CNTNAP2: variants seen among roughly 807,000 people sequenced by gnomAD.
CNTNAP2 encodes the protein contactin-associated protein-like 2.
In CNTNAP2, 98 loss-of-function variants were observed where a neutral mutation model predicts 155.2. That is an observed-to-expected ratio of 0.63 (90% confidence interval 0.54 to 0.75). The LOEUF (loss-of-function observed/expected upper bound fraction) is 0.75. Among genes scored for constraint, CNTNAP2 ranks in the 30% least tolerant of loss-of-function variants. CNTNAP2 has a pLI of 0.00. For missense variants in CNTNAP2, 1,727 were observed against 1,688.1 expected, an observed-to-expected ratio of 1.02 and a Z score of -0.40; for synonymous variants, 651 against 631.2, an observed-to-expected ratio of 1.03 and a Z score of -0.47.
At chr7:147,615,084 T>G (rs1287508981) in intron 12 of CNTNAP2, among the ~76,000 whole-genome samples, 1 of 128,058 alleles carries the variant, frequency 7.8e-6, no homozygotes, top group Non-Finnish European at 1.6e-5. Flanking sequence ...GAGACACCCA[T>G]CTTTATCAAA....
chr7:147,099,848 A>C (rs1038775278), intron 4 of CNTNAP2, among the ~76,000 whole-genome samples: 1 of 152,186 alleles, frequency 6.6e-6, no homozygotes, highest in African/African-American at 2.4e-5. Context: ...TTGTGTGGTC[A>C]AAAGTTGTAG....
intron 12 of CNTNAP2, among the ~76,000 whole-genome samples, chr7:147,597,576 T>TA (rs1402492659): frequency 6.6e-6 from 1 of 152,174 alleles, no homozygotes; most frequent in African/African-American, 2.4e-5. Context: ...CAAGCCCCAT[T>TA]ACCTGGGCCC....
intron 1 of CNTNAP2, among the ~76,000 whole-genome samples, chr7:146,464,542 G>A: frequency 6.6e-6 from 1 of 151,606 alleles, no homozygotes; most frequent in South Asian, 2.1e-4. Context: ...GATACTTTTT[G>A]AAGTAGTAAG....
chr7:148,045,326 T>G (rs2707560), intron 15 of CNTNAP2, among the ~76,000 whole-genome samples: 7 of 150,470 alleles, frequency 4.7e-5, no homozygotes, highest in African/African-American at 9.7e-5. Flanking sequence ...CTAATGGGGG[T>G]GGGTGGTGGG....
chr7:146,826,865 G>GAGAGAGAGAGAGAGAGAGAGAC (rs1563248337), intron 2 of CNTNAP2, among the ~76,000 whole-genome samples: 1 of 150,812 alleles, frequency 6.6e-6, no homozygotes, highest in African/African-American at 2.4e-5. Context: ...TATAGAGAGA[G>GAGAGAGAGAGAGAGAGAGAGAC]AGAGAGAGAG....
chr7:148,214,849 G>A (rs1010786151), intron 18 of CNTNAP2, among the ~76,000 whole-genome samples: 5 of 152,168 alleles, frequency 3.3e-5, no homozygotes, highest in Admixed American at 1.3e-4. Context: ...GATTACAGGC[G>A]AGAGCCACCG....
chr7:146,163,539 ATATC>A (rs1357082704), intron 1 of CNTNAP2, among the ~76,000 whole-genome samples: 44 of 144,894 alleles, frequency 3.0e-4, no homozygotes, highest in Non-Finnish European at 5.1e-4. Context: ...ATATATATCT[ATATC>A]TATATATCTA....
At chr7:146,378,883 A>G (rs920902769) in intron 1 of CNTNAP2, among the ~76,000 whole-genome samples, 7 of 152,258 alleles carry the variant, frequency 4.6e-5, no homozygotes, top group African/African-American at 7.2e-5. Flanking sequence ...TCCCAAAGCT[A>G]TCATTTTAGA....
chr7:148,127,922 T>A (rs1183286175), intron 16 of CNTNAP2, among the ~76,000 whole-genome samples: 1 of 152,154 alleles, frequency 6.6e-6, no homozygotes, highest in Non-Finnish European at 1.5e-5. Context: ...CAGCCTGGAG[T>A]GCAGTGGTGC....
chr7:146,354,896 A>G (rs969745397), intron 1 of CNTNAP2, among the ~76,000 whole-genome samples: 12 of 152,200 alleles, frequency 7.9e-5, no homozygotes, highest in Non-Finnish European at 1.3e-4. Context: ...AGGCATATCA[A>G]TGGCATAAAT....
intron 13 of CNTNAP2, among the ~76,000 whole-genome samples, chr7:147,802,787 G>C (rs887145328): frequency 6.2e-5 from 9 of 145,164 alleles, no homozygotes; most frequent in African/African-American, 2.3e-4. Flanking sequence ...GGGAGAGGGA[G>C]GGGGAGGGGG....
intron 1 of CNTNAP2, among the ~76,000 whole-genome samples, chr7:146,504,030 G>A (rs532749406): frequency 6.6e-6 from 1 of 152,192 alleles, no homozygotes; most frequent in African/African-American, 2.4e-5. Context: ...ACATTAAATG[G>A]CTACAAATGT....
chr7:146,982,046 C>T (rs1798028139), intron 3 of CNTNAP2, among the ~76,000 whole-genome samples: 1 of 152,192 alleles, frequency 6.6e-6, no homozygotes, highest in African/African-American at 2.4e-5. Context: ...GAATTTCATA[C>T]AATTTTCCTA....
At chr7:147,044,462 T>G (rs994184099) in intron 4 of CNTNAP2, among the ~76,000 whole-genome samples, 117 of 152,312 alleles carry the variant, frequency 7.7e-4, no homozygotes, top group African/African-American at 2.6e-3. Context: ...TTCGAAGAAC[T>G]TCCTTCGGGT....
intron 1 of CNTNAP2, among the ~76,000 whole-genome samples, chr7:146,645,059 A>G (rs1014816458): frequency 6.6e-6 from 1 of 152,176 alleles, no homozygotes. Flanking sequence ...AAATTTTTTT[A>G]AAAAGAAATT....
chr7:147,067,913 A>T (rs1487663135), intron 4 of CNTNAP2, among the ~76,000 whole-genome samples: 1 of 152,192 alleles, frequency 6.6e-6, no homozygotes, highest in Non-Finnish European at 1.5e-5. Context: ...TAGAACAGAC[A>T]TTTATTATTT....
At chr7:147,132,077 C>T (rs758562730) in intron 7 of CNTNAP2, among the ~76,000 whole-genome samples, 168 bp from the exon 8 acceptor site, 2 of 152,226 alleles carry the variant, frequency 1.3e-5, no homozygotes, top group South Asian at 2.1e-4. Flanking sequence ...CAAGTAGATC[C>T]GTAGTGGTGC....
chr7:148,204,745 G>A (rs2116735841), intron 18 of CNTNAP2, among the ~76,000 whole-genome samples: 1 of 152,278 alleles, frequency 6.6e-6, no homozygotes, highest in African/African-American at 2.4e-5. Context: ...TCGCTTTGTG[G>A]GTTTCTGTGA....
rs569478937 is a variant in CNTNAP2, at chr7:146,842,771, C to T, written c.402+2867C>T. On this transcript the variant is annotated intron_variant, in intron 3 of 23. Transcript: ENST00000361727. Reference sequence around the variant, plus strand: ...CGCGATCTCGGCTCACTGCAAGCTCCGCCTCCCGGTTTCACGCCATTCTCC... The same window carrying T: ...CGCGATCTCGGCTCACTGCAAGCTCTGCCTCCCGGTTTCACGCCATTCTCC... Among the ~76,000 whole-genome samples, 1,251 of 151,982 alleles carry T rather than the reference C, an allele frequency of 8.2e-3. 23 individuals carry two copies. Among genetic ancestry groups the T allele is most frequent in the African/African-American group, 0.029 (1,187 of 41,422 alleles).
Sources: gnomAD v4.1 joint callset for allele counts (sites outside exome capture counted in the v4.1 genomes callset) on GRCh38, gnomAD v4.1.1 for gene constraint, MANE v1.5 for transcripts, NCBI Gene and HGNC (gene_info 2026-07-23, HGNC 2026-07-21) for gene names.